The following EPB41L5 variants were observed in gnomAD, a reference collection of about 807,000 sequenced individuals.
The protein encoded by EPB41L5 is erythrocyte membrane protein band 4.1 like 5.
EPB41L5 carries 55 observed loss-of-function variants against 106.6 expected under a neutral mutation model. The ratio of observed to expected loss-of-function variants is 0.52; its 90% CI spans 0.42 to 0.65. The LOEUF is 0.65. EPB41L5 is among the 30% of genes least tolerant of loss of function. The pLI is 0.00. For missense variants in EPB41L5, 871 were observed against 882.1 expected, an observed-to-expected ratio of 0.99 and a Z score of 0.16; for synonymous variants, 297 against 306.7, an observed-to-expected ratio of 0.97 and a Z score of 0.33.
intron 16 of EPB41L5, among the ~76,000 whole-genome samples, chr2:120,120,546 A>C (rs907558549): frequency 6.6e-6 from 1 of 152,048 alleles, no homozygotes; most frequent in Non-Finnish European, 1.5e-5. Flanking sequence ...GGATTGTTTA[A>C]TTCTAATCAC....
chr2:120,148,114 C>G (rs899632225), intron 20 of EPB41L5, among the ~76,000 whole-genome samples: 8 of 152,082 alleles, frequency 5.3e-5, no homozygotes, highest in Non-Finnish European at 1.0e-4. Context: ...TTTGTCACAT[C>G]TTAACATTTT....
intron 3 of EPB41L5, among the ~76,000 whole-genome samples, chr2:120,045,244 G>A (rs78591054): frequency 0.061 from 9,327 of 152,170 alleles, 406 homozygotes; most frequent in South Asian, 0.099. Flanking sequence ...TTAGTAAATC[G>A]ATGAAGCCAA....
At chr2:120,146,568 GGA>G (rs1179016455) in intron 20 of EPB41L5, among the ~76,000 whole-genome samples, 1 of 152,198 alleles carries the variant, frequency 6.6e-6, no homozygotes, top group East Asian at 1.9e-4. Context: ...CACCTGGTAA[GGA>G]GTGTGTATTA....
Position 120,090,491 on chromosome 2 carries a change from C to T in EPB41L5, c.1018C>T (p.Arg340Ter), listed in dbSNP as rs756735116. The T allele has an allele frequency of 2.5e-6, 4 of 1,612,518 alleles. No individual in the cohort carries two copies. Among genetic ancestry groups the T allele is most frequent in the Non-Finnish European group, 3.4e-6 (4 of 1,179,504 alleles). Residue 340 changes from arginine (R) to a stop codon, truncating the protein, a stop_gained, in exon 12 of 25, where the codon CGA (arginine) becomes TGA (stop). Coordinates refer to ENST00000263713, the MANE Select transcript of EPB41L5 (RefSeq NM_020909.4). LOFTEE classifies it high-confidence loss of function. ...GAGTTCTCATCGATCAGGATTTATT[C>T]GACTAGGATCACGATTTAGATATAG... ...QKSSHRSGFI[R>*]LGSRFRYSGK...
At chr2:120,129,578 C>T (rs192154490) in intron 17 of EPB41L5, among the ~76,000 whole-genome samples, 1 of 152,166 alleles carries the variant, frequency 6.6e-6, no homozygotes. Context: ...TTAATTTTTT[C>T]AGTGCTGTAA....
At chr2:120,042,301 G>T (rs906802222) in intron 3 of EPB41L5, among the ~76,000 whole-genome samples, 191 bp downstream of exon 3, 12 of 152,076 alleles carry the variant, frequency 7.9e-5, no homozygotes, top group Non-Finnish European at 1.6e-4. Flanking sequence ...GTGAGTTCTG[G>T]TCCTAATTTC....
intron 24 of EPB41L5, among the ~76,000 whole-genome samples, chr2:120,168,397 C>T (rs552471399): frequency 2.6e-5 from 4 of 152,304 alleles, no homozygotes; most frequent in African/African-American, 9.6e-5. Context: ...AGTTAGGATA[C>T]TCCTAGGGTG....
intron 3 of EPB41L5, among the ~76,000 whole-genome samples, chr2:120,064,366 C>G (rs1681299810): frequency 6.6e-6 from 1 of 152,074 alleles, no homozygotes; most frequent in African/African-American, 2.4e-5. Context: ...TGGTGCATTT[C>G]TTTATTAGAG....
chr2:120,094,981 AAT>A (rs1355595677), intron 14 of EPB41L5, among the ~76,000 whole-genome samples: 1 of 152,158 alleles, frequency 6.6e-6, no homozygotes, highest in Non-Finnish European at 1.5e-5. Context: ...CACCCAGGAA[AAT>A]AGTTTATGTG....
At chr2:120,050,273 C>G (rs1680138751) in intron 3 of EPB41L5, among the ~76,000 whole-genome samples, 1 of 152,146 alleles carries the variant, frequency 6.6e-6, no homozygotes, top group Admixed American at 6.5e-5. Flanking sequence ...CAGCTTGGTT[C>G]CATTCTCCCC....
At chr2:120,046,681 A>G (rs1373134457) in intron 3 of EPB41L5, among the ~76,000 whole-genome samples, 3 of 152,020 alleles carry the variant, frequency 2.0e-5, no homozygotes, top group Admixed American at 1.3e-4. Context: ...TCATTTGCCA[A>G]TTTTGGCTTT....
intron 24 of EPB41L5, among the ~76,000 whole-genome samples, chr2:120,172,796 C>G (rs1687738877): frequency 1.3e-5 from 2 of 152,208 alleles, no homozygotes; most frequent in African/African-American, 4.8e-5. Context: ...AGAAAGGATC[C>G]TGTCCAGATT....
At chr2:120,113,632 C>G (rs1684823079) in intron 16 of EPB41L5, among the ~76,000 whole-genome samples, 1 of 152,184 alleles carries the variant, frequency 6.6e-6, no homozygotes, top group Non-Finnish European at 1.5e-5. Context: ...TTTTTATCCC[C>G]AAAAGAAACC....
intron 16 of EPB41L5, among the ~76,000 whole-genome samples, chr2:120,108,971 T>G (rs575260118): frequency 6.6e-6 from 1 of 152,236 alleles, no homozygotes; most frequent in Admixed American, 6.5e-5. Flanking sequence ...TCATCCACAT[T>G]TGGTAAGGAG....
chr2:120,085,399 C>A (rs1335373910), intron 10 of EPB41L5, among the ~76,000 whole-genome samples: 5 of 152,192 alleles, frequency 3.3e-5, no homozygotes, highest in Admixed American at 3.3e-4. Context: ...GCCTGGGTAT[C>A]ACCAGTGGAG....
At chr2:120,086,145 G>A (rs998736933) in intron 10 of EPB41L5, among the ~76,000 whole-genome samples, 3 of 152,196 alleles carry the variant, frequency 2.0e-5, no homozygotes, top group African/African-American at 7.2e-5. Context: ...AGGTTGTAGT[G>A]AGCCAAGATC....
chr2:120,028,867 T>C (rs564468037), intron 2 of EPB41L5, among the ~76,000 whole-genome samples: 1 of 152,176 alleles, frequency 6.6e-6, no homozygotes, highest in African/African-American at 2.4e-5. Flanking sequence ...AGAAAAAGGA[T>C]GGAAGTGAAG....
At chr2:120,117,880 G>C (rs937230545) in intron 16 of EPB41L5, among the ~76,000 whole-genome samples, 2 of 152,040 alleles carry the variant, frequency 1.3e-5, no homozygotes, top group South Asian at 4.2e-4. Context: ...AAGGCTGTTG[G>C]CCTTTTTCTT....
chr2:120,143,226 T>C, intron 19 of EPB41L5, 95 bp downstream of exon 19: 3 of 1,304,220 alleles, frequency 2.3e-6, no homozygotes, highest in Non-Finnish European at 3.1e-6. Context: ...TCAAGCTAGA[T>C]TAATGGTGCA....
Sources: allele counts gnomAD v4.1 joint callset (sites outside exome capture counted in the v4.1 genomes callset), GRCh38; gene constraint gnomAD v4.1.1; transcripts MANE v1.5; gene names NCBI Gene and HGNC (gene_info 2026-07-23, HGNC 2026-07-21).